The following KANSL3 variants were observed in gnomAD, a reference collection of about 807,000 sequenced individuals.
KANSL3 encodes NSL complex protein NSL3.
A neutral mutation model predicts 89.2 loss-of-function variants in KANSL3; 16 were observed. That is an observed-to-expected ratio of 0.18 (90% CI 0.12 to 0.27). KANSL3 has a LOEUF of 0.27. Ranked by LOEUF, KANSL3 falls within the 10% of genes least tolerant of loss-of-function variation. The pLI is 1.00. For synonymous variants in KANSL3, 385 were observed against 419.7 expected, an observed-to-expected ratio of 0.92 and a Z score of 1.01; for missense variants, 879 against 1,110.6, an observed-to-expected ratio of 0.79 and a Z score of 2.96.
chr2:96,630,982 C>A (rs1358369992), intron 3 of KANSL3, among the ~76,000 whole-genome samples: 1 of 152,164 alleles, frequency 6.6e-6, no homozygotes, highest in Admixed American at 6.5e-5. Flanking sequence ...GTTTGGGTAA[C>A]CCCTATATCA....
In KANSL3 at chr2:96,618,471, T is replaced by G. The variant is rs540892554; in HGVS notation, c.663+888A>C. On this transcript the variant is annotated intron_variant, in intron 5 of 20. Coordinates refer to ENST00000431828, the MANE Select transcript of KANSL3 (RefSeq NM_001115016.3). ...TCCCGAAGTGCTAGGATAATAGGCA[T>G]GAGCTACTATGCCCGGCCGTGAGGC... 2.3e-3 allele frequency among the ~76,000 whole-genome samples: 346 copies of G among 152,346 alleles called. 2 individuals are homozygous for G. Among genetic ancestry groups the G allele is most frequent in the African/African-American group, 7.8e-3 (324 of 41,590 alleles).
chr2:96,635,397 G>A (rs2074098586), intron 2 of KANSL3, among the ~76,000 whole-genome samples: 2 of 152,114 alleles, frequency 1.3e-5, no homozygotes, highest in African/African-American at 4.8e-5. Context: ...ATTATAAAAG[G>A]AAACAATTTT....
In KANSL3 at chr2:96,637,034, C is replaced by T; in HGVS notation, c.102G>A (p.Leu34=). ...QLSVHERELD[L]VFLDHSYAKP... ...TGGCATAGCTATGATCCAGAAAAAC[C>T]AGGTCCAGCTCCCGTTCATGCACTG... The change falls in exon 2 of 21, where the codon CTG becomes CTA. Residue 34 remains leucine, a synonymous_variant. Coordinates refer to ENST00000431828, the MANE Select transcript of KANSL3 (RefSeq NM_001115016.3). 1.9e-6 allele frequency: 3 copies of T among 1,551,624 alleles called. No homozygotes were observed. The highest frequency in any genetic ancestry group is 2.6e-6 in the Non-Finnish European group (3 of 1,146,978).
Position 96,594,520 on chromosome 2 carries a change from AC to A in KANSL3, c.*1090del, listed in dbSNP as rs1305860335. On this transcript the variant is annotated 3_prime_UTR_variant, in exon 21 of 21. Transcript: ENST00000431828. ...CATCTTCCCACTTGTAAGCAGGAAG[AC>A]AAAAAGTCTCATGAAATAGAAACGA... The A allele has an allele frequency of 6.6e-6, 1 of 152,214 alleles. No individual in the cohort carries two copies. Among genetic ancestry groups the A allele is most frequent in the Admixed American group, 6.5e-5 (1 of 15,284 alleles). 9.4% of individuals were successfully genotyped at this position (152,214 alleles called of 1,614,324 possible). A position where few individuals can be genotyped will look rare whatever the true frequency, so the allele number is the denominator to read the frequency against.
intron 12 of KANSL3, 102 bp downstream of exon 12, chr2:96,609,397 T>TGGA (rs1299681799): frequency 1.0e-6 from 1 of 972,974 alleles, no homozygotes; most frequent in Non-Finnish European, 1.6e-6. Context: ...GAGGCCCCAG[T>TGGA]GGAGGCCTTA....
intron 3 of KANSL3, among the ~76,000 whole-genome samples, chr2:96,627,003 T>C (rs2072461841): frequency 2.0e-5 from 3 of 152,366 alleles, no homozygotes; most frequent in Admixed American, 2.0e-4. Context: ...TCATGTGTCA[T>C]GAAACAGTAT....
In KANSL3 at chr2:96,619,779, G is replaced by C; in HGVS notation, c.387-17C>G. On this transcript the variant is annotated splice_polypyrimidine_tract_variant and intron_variant, in intron 3 of 20. Transcript: ENST00000431828. ...CAGCCAGTCCTATAAGGGAAACTCT[G>C]AGGAATTATAGTCAAACCCTGGGGA... The C allele has an allele frequency of 1.3e-6, 2 of 1,546,010 alleles. No individual in the cohort carries two copies. Among genetic ancestry groups the C allele is most frequent in the African/African-American group, 2.7e-5 (2 of 73,098 alleles).
the KANSL3 span, among the ~76,000 whole-genome samples, chr2:96,586,704 A>G: frequency 6.6e-6 from 1 of 152,184 alleles, no homozygotes; most frequent in East Asian, 1.9e-4. Context: ...ATCGCACACT[A>G]CAGGCTTCAA....
intron 17 of KANSL3, among the ~76,000 whole-genome samples, 153 bp from the exon 18 acceptor site, chr2:96,603,015 A>G (rs997952595): frequency 1.1e-4 from 17 of 152,144 alleles, no homozygotes; most frequent in African/African-American, 3.9e-4. Context: ...AGCTCTCCCC[A>G]ACTAGGCACA....
intron 12 of KANSL3, 62 bp downstream of exon 12, chr2:96,609,436 CA>C: frequency 6.7e-7 from 1 of 1,496,594 alleles, no homozygotes; most frequent in East Asian, 2.3e-5. Context: ...CCAATAAGAC[CA>C]AACCTAAAAG....
Position 96,619,603 on chromosome 2 carries a change from G to A in KANSL3, c.478-59C>T, listed in dbSNP as rs373252243. ...GGACTACCTGGTTAACAAGCAGGGGGACAAGTCAGTCAGCCAGTGAGGCCT... is the reference window on the plus strand; with the variant it reads ...GGACTACCTGGTTAACAAGCAGGGGAACAAGTCAGTCAGCCAGTGAGGCCT... On this transcript the variant is annotated intron_variant, in intron 4 of 20. Transcript: ENST00000431828. 1.1e-5 allele frequency: 18 copies of A among 1,606,408 alleles called. No individual in the cohort carries two copies. In the East Asian group the frequency reaches 3.6e-4, roughly 32 times the overall value.
At chr2:96,618,092 A>G (rs1332842362) in intron 5 of KANSL3, among the ~76,000 whole-genome samples, 1 of 151,594 alleles carries the variant, frequency 6.6e-6, no homozygotes, top group East Asian at 1.9e-4. Context: ...CAGGAGTTCG[A>G]AGTTATAGCA....
chr2:96,587,169 A>T, the KANSL3 span, among the ~76,000 whole-genome samples: 1 of 152,172 alleles, frequency 6.6e-6, no homozygotes, highest in Non-Finnish European at 1.5e-5. Flanking sequence ...TTCAATCCCA[A>T]TGAGTGGTAA....
chr2:96,617,606 A>T (rs2105741200), intron 5 of KANSL3, among the ~76,000 whole-genome samples: 1 of 152,146 alleles, frequency 6.6e-6, no homozygotes, highest in East Asian at 1.9e-4. Flanking sequence ...TATGCCTGTA[A>T]TCCCAGCAAT....
chr2:96,601,550 A>G (rs1218789690), intron 20 of KANSL3, 93 bp downstream of exon 20: 6 of 1,496,460 alleles, frequency 4.0e-6, no homozygotes, highest in Non-Finnish European at 5.3e-6. Context: ...TCGTCTGTCC[A>G]GTGCATGGGC....
At chr2:96,600,433 C>T (rs1416497577) in intron 20 of KANSL3, 1 of 983,726 alleles carries the variant, frequency 1.0e-6, no homozygotes, top group Non-Finnish European at 1.2e-6. Context: ...AAAACATTTC[C>T]ATCCCTCTGC....
intron 2 of KANSL3, 109 bp downstream of exon 2, chr2:96,636,812 A>G: frequency 1.1e-6 from 1 of 925,982 alleles, no homozygotes; most frequent in South Asian, 1.8e-5. Flanking sequence ...TTTAACATCC[A>G]AATGCCTCAT....
intron 3 of KANSL3, 45 bp from the exon 4 acceptor site, chr2:96,619,807 C>G (rs374758382): frequency 7.1e-7 from 1 of 1,411,028 alleles, no homozygotes; most frequent in African/African-American, 1.4e-5. Flanking sequence ...CCTGGGGACG[C>G]TCCCCATGTA....
intron 5 of KANSL3, among the ~76,000 whole-genome samples, chr2:96,614,763 TC>T (rs1281470208): frequency 2.8e-5 from 4 of 140,562 alleles, no homozygotes; most frequent in East Asian, 2.1e-4. Flanking sequence ...AGAGTGAGAC[TC>T]TTCTCAAAAA....
Sources: gnomAD v4.1 joint callset for allele counts (sites outside exome capture counted in the v4.1 genomes callset) on GRCh38, gnomAD v4.1.1 for gene constraint, MANE v1.5 for transcripts, NCBI Gene and HGNC (gene_info 2026-07-23, HGNC 2026-07-21) for gene names.